The following LRRN1 variants were observed in gnomAD, a reference collection of about 807,000 sequenced individuals.
LRRN1 encodes leucine-rich repeat neuronal protein 1.
LRRN1 carries 14 observed loss-of-function variants against 45.8 expected under a neutral mutation model. The observed-to-expected ratio is 0.31, with a 90% confidence interval of 0.20 to 0.48. The LOEUF (loss-of-function observed/expected upper bound fraction) is 0.48, where lower values mean the gene tolerates loss of function less well. Among genes scored for constraint, LRRN1 ranks in the 20% least tolerant of loss-of-function variants. The probability of loss-of-function intolerance (pLI) is 0.99; values close to 1 mark genes in which losing one functional copy is unlikely to be tolerated. For missense variants in LRRN1, 789 were observed against 874.2 expected, an observed-to-expected ratio of 0.90 and a Z score of 1.23; for synonymous variants, 359 against 330.1, an observed-to-expected ratio of 1.09 and a Z score of -0.95.
chr3:3,823,968 A>G (rs1693163432), intron 1 of LRRN1, among the ~76,000 whole-genome samples: 1 of 152,254 alleles, frequency 6.6e-6, no homozygotes, highest in East Asian at 1.9e-4. Context: ...GATGGCTAAC[A>G]TGCACTGAGC....
chr3:3,817,614 C>T (rs1177215532), intron 1 of LRRN1, among the ~76,000 whole-genome samples: 2 of 152,042 alleles, frequency 1.3e-5, no homozygotes, highest in Non-Finnish European at 2.9e-5. Flanking sequence ...AATTAGGAAG[C>T]CCTAAGCAGT....
intron 1 of LRRN1, among the ~76,000 whole-genome samples, chr3:3,831,424 A>G (rs1693371915): frequency 6.6e-6 from 1 of 152,244 alleles, no homozygotes; most frequent in African/African-American, 2.4e-5. Flanking sequence ...TGTGTTTGCT[A>G]CTTCTTGCTC....
rs1446514425 is a variant in LRRN1 at position 3,799,439 on chromosome 3, A to C, written c.-759A>C. On this transcript the variant is annotated 5_prime_UTR_variant, in exon 1 of 2. Coordinates refer to ENST00000319331, the MANE Select transcript of LRRN1 (RefSeq NM_020873.7). ...TGCACGCCGGCTGCGGGGAGCACAA[A>C]GCGGGGCGCACCGCGGGCGCCGGCA... is the stretch of plus-strand genomic sequence containing the variant. 2.0e-5 allele frequency: 3 copies of C among 151,826 alleles called. No individual in the cohort carries two copies. The highest frequency in any genetic ancestry group is 2.9e-5 in the Non-Finnish European group (2 of 67,934). 9.4% of individuals were successfully genotyped at this position (151,826 alleles called of 1,614,324 possible).
rs184481808 is a variant in LRRN1, at chr3:3,805,578, C to T, written c.-279+5659C>T. Among the ~76,000 whole-genome samples the T allele has an allele frequency of 2.7e-3, 414 of 152,226 alleles. 1 individual carries two copies. Among genetic ancestry groups the T allele is most frequent in the African/African-American group, 9.2e-3 (382 of 41,526 alleles). On this transcript the variant is annotated intron_variant, in intron 1 of 1. Coordinates refer to ENST00000319331, the MANE Select transcript of LRRN1 (RefSeq NM_020873.7). ...GTAGATGATTTCAATATCACCAGTG[C>T]GAATAATTTGATTTCTGCCCCAAGA...
chr3:3,828,089 G>A (rs574154502), intron 1 of LRRN1, among the ~76,000 whole-genome samples: 1 of 150,588 alleles, frequency 6.6e-6, no homozygotes. Flanking sequence ...ACTATGTGCT[G>A]GATATTTTCC....
At position 3,845,002 on chromosome 3, in the gene LRRN1, C is replaced by G. The variant is rs775957175; in HGVS notation, c.361C>G (p.Leu121Val). The G allele has an allele frequency of 2.5e-6, 4 of 1,614,130 alleles. No individual in the cohort carries two copies. In the Admixed American group the frequency reaches 6.7e-5, roughly 27 times the overall value. The change falls in exon 2 of 2, where the codon CTC (leucine) becomes GTC (valine). Residue 121 changes from leucine (L) to valine (V), a missense_variant. By Grantham distance (32) the Leu-to-Val change is conservative (BLOSUM62 1). Transcript: ENST00000319331. The surrounding 1 kb of genome is among the most constrained non-coding windows in gnomAD (Gnocchi z 6.5). ...GGTCGGGCTGGCAAACCTAACCCAG[C>G]TCACAACGCTGCATTTGGAGGAAAA... ...KEVGLANLTQ[L>V]TTLHLEENQI...
intron 1 of LRRN1, among the ~76,000 whole-genome samples, chr3:3,804,369 A>G (rs1692713993): frequency 6.6e-6 from 1 of 152,208 alleles, no homozygotes; most frequent in African/African-American, 2.4e-5. Context: ...ATTAACATCA[A>G]CATTTAACTT....
rs1483457472 is a variant in LRRN1, at chr3:3,845,246, C to T, written c.605C>T (p.Pro202Leu). 1.9e-6 allele frequency: 3 copies of T among 1,614,152 alleles called. No individual in the cohort carries two copies. The highest frequency in any genetic ancestry group is 2.5e-6 in the Non-Finnish European group (3 of 1,180,030). Residue 202 changes from proline (P) to leucine (L), a missense_variant, in exon 2 of 2, where the codon CCT becomes CTT. Transcript: ENST00000319331. This position sits in a 1 kb window ranked among gnomAD's most constrained non-coding sequence, Gnocchi z 6.5. ...NLEILMIGEN[P>L]VIGILDMNFK... is the part of the protein sequence containing the mutation. ...GAAATTCTCATGATCGGAGAAAACC[C>T]TGTGATTGGAATTCTGGATATGAAC...
At chr3:3,802,463 A>AC in intron 1 of LRRN1, among the ~76,000 whole-genome samples, 1 of 151,124 alleles carries the variant, frequency 6.6e-6, no homozygotes, top group South Asian at 2.1e-4. Flanking sequence ...CACCCCCCCA[A>AC]CCCCCGCCAG....
intron 1 of LRRN1, among the ~76,000 whole-genome samples, chr3:3,801,959 G>A (rs565755794): frequency 6.6e-6 from 1 of 152,290 alleles, no homozygotes; most frequent in East Asian, 1.9e-4. Context: ...CTCATCTTCA[G>A]AGCTATTCAT....
intron 1 of LRRN1, among the ~76,000 whole-genome samples, chr3:3,834,525 G>GACATATATATATCATATATATATATATAT: frequency 3.7e-5 from 1 of 27,328 alleles, no homozygotes; most frequent in African/African-American, 8.6e-5. Context: ...GACAGAACAG[G>GACATATATATATCATATATATATATATAT]ATATATATAT....
chr3:3,800,831 G>T (rs1692634937), intron 1 of LRRN1: 1 of 152,656 alleles, frequency 6.6e-6, no homozygotes, highest in East Asian at 1.9e-4. Context: ...GCCCCGCCAG[G>T]AACAGAGCTG....
chr3:3,799,613 C>G lies in LRRN1; in HGVS notation c.-585C>G, dbSNP rs897842048. On this transcript the variant is annotated 5_prime_UTR_variant, in exon 1 of 2. Transcript: ENST00000319331. ...GGACCTGGCCGCTCGCTGCCCCGCCCTCTGCACCCCACTTCTCCGACCCTC... is the reference window on the plus strand; with the variant it reads ...GGACCTGGCCGCTCGCTGCCCCGCCGTCTGCACCCCACTTCTCCGACCCTC... 6.6e-6 allele frequency: 1 copy of G among 152,514 alleles called. No homozygotes were observed. 9.4% of individuals were successfully genotyped at this position (152,514 alleles called of 1,614,324 possible).
At position 3,849,782 on chromosome 3, in the gene LRRN1, AGGAAT is replaced by A. The variant is rs1166313199; in HGVS notation, c.*2991_*2995del. On this transcript the variant is annotated 3_prime_UTR_variant, in exon 2 of 2. Transcript: ENST00000319331. ...TGTCAGTGTTTCTGATTTGGCAAAA[AGGAAT>A]CATCTCTATTTTTTTGCAAACAATA... Among the ~76,000 whole-genome samples, 3 of 152,242 alleles carry A rather than the reference AGGAAT, an allele frequency of 2.0e-5. No homozygotes were observed. Among genetic ancestry groups the A allele is most frequent in the African/African-American group, 7.2e-5 (3 of 41,474 alleles).
chr3:3,844,186 G>C (rs1693704852), intron 1 of LRRN1, among the ~76,000 whole-genome samples, 178 bp from the exon 2 acceptor site: 1 of 152,160 alleles, frequency 6.6e-6, no homozygotes, highest in Non-Finnish European at 1.5e-5. Flanking sequence ...AGTATAGTAA[G>C]TGGGATATAG....
chr3:3,828,331 G>A (rs1038514068), intron 1 of LRRN1, among the ~76,000 whole-genome samples: 6 of 152,078 alleles, frequency 3.9e-5, no homozygotes, highest in South Asian at 2.1e-4. Flanking sequence ...CATCCAGCAC[G>A]GGAGAAAGAT....
chr3:3,812,132 C>A (rs1035225290), intron 1 of LRRN1, among the ~76,000 whole-genome samples: 1 of 152,192 alleles, frequency 6.6e-6, no homozygotes, highest in African/African-American at 2.4e-5. Flanking sequence ...GTGTGCAGAT[C>A]TTTTTCTGGG....
rs1315950716 is a variant in LRRN1, at chr3:3,847,649, C to G, written c.*857C>G. On this transcript the variant is annotated 3_prime_UTR_variant, in exon 2 of 2. Transcript: ENST00000319331. ...TTGCAATAATGTATCATTTATAGTT[C>G]TTGCTAGTTGCAGTGGTAATATTTT... is the stretch of plus-strand genomic sequence containing the variant. 3 of 166,886 alleles carry G rather than the reference C, an allele frequency of 1.8e-5. No homozygotes were observed. The Admixed American group carries it at 2.0e-4, about 11-fold the overall frequency. 10.3% of individuals were successfully genotyped at this position (166,886 alleles called of 1,614,324 possible). A position where few individuals can be genotyped will look rare whatever the true frequency, so the allele number is the denominator to read the frequency against.
chr3:3,844,751 T>G lies in LRRN1; in HGVS notation c.110T>G (p.Val37Gly), dbSNP rs778613879. 6.2e-7 allele frequency: 1 copy of G among 1,614,016 alleles called. No individual in the cohort carries two copies. The highest frequency in any genetic ancestry group is 1.7e-5 in the Admixed American group (1 of 60,000). The part of the protein sequence containing the change: ...IQNSECPQLC[V>G]CEIRPWFTPQ... The stretch of plus-strand genomic sequence containing the variant: ...AATAGTGAGTGTCCACAACTTTGCG[T>G]ATGTGAAATTCGTCCCTGGTTTACC... Residue 37 changes from valine (V) to glycine (G), a missense_variant, in exon 2 of 2, where the codon GTA becomes GGA. Val to Gly is a moderately radical substitution (Grantham distance 109). Transcript: ENST00000319331.
Sources: gnomAD v4.1 joint callset for allele counts (sites outside exome capture counted in the v4.1 genomes callset) on GRCh38, gnomAD v4.1.1 for gene constraint, Gnocchi (gnomAD v3.1) non-coding constraint, MANE v1.5 for transcripts, NCBI Gene and HGNC (gene_info 2026-07-23, HGNC 2026-07-21) for gene names.